The following UBE2G1 variants were observed in gnomAD, a reference collection of about 807,000 sequenced individuals.
The protein encoded by UBE2G1 is ubiquitin-conjugating enzyme E2 G1.
In UBE2G1, 5 loss-of-function variants were observed where a neutral mutation model predicts 22.7. That is an observed-to-expected ratio of 0.22 (90% confidence interval 0.12 to 0.46). UBE2G1 has a LOEUF of 0.46. Ranked by LOEUF, UBE2G1 falls within the 20% of genes least tolerant of loss-of-function variation. The pLI is 0.99. For synonymous variants in UBE2G1, 74 were observed against 67.5 expected, an observed-to-expected ratio of 1.10 and a Z score of -0.47; for missense variants, 88 against 203.9, an observed-to-expected ratio of 0.43 and a Z score of 3.46.
intron 5 of UBE2G1, among the ~76,000 whole-genome samples, chr17:4,280,149 C>A (rs1039024293): frequency 4.2e-5 from 6 of 141,834 alleles, no homozygotes; most frequent in Non-Finnish European, 6.1e-5. Flanking sequence ...GATTCTCCTG[C>A]CTCAGCTTCC....
chr17:4,338,434 C>T (rs1019354102), intron 1 of UBE2G1, among the ~76,000 whole-genome samples: 1 of 152,144 alleles, frequency 6.6e-6, no homozygotes, highest in African/African-American at 2.4e-5. Flanking sequence ...GAAAACACTC[C>T]AATAACTTCC....
chr17:4,318,683 T>C (rs556732928), intron 1 of UBE2G1, among the ~76,000 whole-genome samples: 3 of 152,214 alleles, frequency 2.0e-5, no homozygotes, highest in South Asian at 2.1e-4. Context: ...CACATCCCAG[T>C]TGGTCCCTAA....
At chr17:4,287,665 C>T (rs1281170900) in intron 4 of UBE2G1, among the ~76,000 whole-genome samples, 1 of 152,058 alleles carries the variant, frequency 6.6e-6, no homozygotes, top group African/African-American at 2.4e-5. Context: ...TAAGATTCCA[C>T]CCAAGTTGTT....
At chr17:4,343,211 G>C (rs1287328306) in intron 1 of UBE2G1, among the ~76,000 whole-genome samples, 1 of 152,138 alleles carries the variant, frequency 6.6e-6, no homozygotes, top group Non-Finnish European at 1.5e-5. Context: ...GATTATGTGT[G>C]ATCTGCCAGC....
At chr17:4,308,872 G>A (rs1213704140) in intron 1 of UBE2G1, among the ~76,000 whole-genome samples, 1 of 152,206 alleles carries the variant, frequency 6.6e-6, no homozygotes, top group Non-Finnish European at 1.5e-5. Flanking sequence ...TAACTGAGGA[G>A]ATATTAATTT....
intron 1 of UBE2G1, among the ~76,000 whole-genome samples, chr17:4,351,444 C>T (rs896018362): frequency 6.6e-5 from 10 of 152,148 alleles, no homozygotes; most frequent in Admixed American, 3.3e-4. Flanking sequence ...AACTGGATAA[C>T]GAGAATTTTG....
chr17:4,361,720 C>T (rs1338207056), intron 1 of UBE2G1, among the ~76,000 whole-genome samples: 1 of 151,878 alleles, frequency 6.6e-6, no homozygotes, highest in East Asian at 1.9e-4. Flanking sequence ...GGGTGAATCA[C>T]CTGAGATCAG....
intron 1 of UBE2G1, among the ~76,000 whole-genome samples, chr17:4,348,796 G>A (rs1969810589): frequency 6.6e-6 from 1 of 151,782 alleles, no homozygotes. Flanking sequence ...GGGAGGCAGA[G>A]GTTGCAGTCA....
At chr17:4,322,582 C>T (rs1035010155) in intron 1 of UBE2G1, among the ~76,000 whole-genome samples, 28 of 152,136 alleles carry the variant, frequency 1.8e-4, no homozygotes, top group African/African-American at 6.8e-4. Context: ...ATCTTCTCCA[C>T]ATTAAGTAAA....
rs558444173 is a variant in UBE2G1, at chr17:4,362,870, T to C, written c.46+3401A>G. ...GGTGGTGGTGGCTCACACTTGTAAT[T>C]CCAGCACTTTGGGAGGCCGAGGTGG... On this transcript the variant is annotated intron_variant, in intron 1 of 5. Coordinates refer to ENST00000396981, the MANE Select transcript of UBE2G1 (RefSeq NM_003342.5). 1.2e-4 allele frequency among the ~76,000 whole-genome samples: 19 copies of C among 152,110 alleles called. No homozygotes were observed. The South Asian group carries it at 3.1e-3, about 25-fold the overall frequency.
chr17:4,324,700 G>A (rs1287634438), intron 1 of UBE2G1, among the ~76,000 whole-genome samples: 1 of 152,104 alleles, frequency 6.6e-6, no homozygotes, highest in Non-Finnish European at 1.5e-5. Context: ...TCACAGGCAT[G>A]AGCCACCATG....
At chr17:4,319,028 A>G (rs1273116575) in intron 1 of UBE2G1, among the ~76,000 whole-genome samples, 1 of 152,268 alleles carries the variant, frequency 6.6e-6, no homozygotes, top group Non-Finnish European at 1.5e-5. Context: ...AATCATGGTC[A>G]TAACTTTCAG....
intron 1 of UBE2G1, among the ~76,000 whole-genome samples, chr17:4,344,917 G>GTA (rs1969752469): frequency 6.6e-6 from 1 of 152,128 alleles, no homozygotes; most frequent in Non-Finnish European, 1.5e-5. Flanking sequence ...TAAAAAATAA[G>GTA]TATTTTACCT....
chr17:4,330,976 C>CACACACACACA (rs1969569204), intron 1 of UBE2G1, among the ~76,000 whole-genome samples: 1 of 143,576 alleles, frequency 7.0e-6, no homozygotes. Context: ...ACCTTTAAAA[C>CACACACACACA]CACACACACA....
At chr17:4,295,263 G>A (rs1277391209) in intron 3 of UBE2G1, among the ~76,000 whole-genome samples, 5 of 152,172 alleles carry the variant, frequency 3.3e-5, no homozygotes, top group Admixed American at 1.3e-4. Flanking sequence ...GCAGGAATAC[G>A]GTTAATGCAT....
At chr17:4,301,736 G>A in intron 2 of UBE2G1, 1 of 654,944 alleles carries the variant, frequency 1.5e-6, no homozygotes, top group Non-Finnish European at 2.9e-6. Context: ...TGGATTGGTG[G>A]GGAGTGCTCA....
chr17:4,350,165 C>A (rs1299984173), intron 1 of UBE2G1, among the ~76,000 whole-genome samples: 2 of 152,046 alleles, frequency 1.3e-5, no homozygotes, highest in Non-Finnish European at 2.9e-5. Flanking sequence ...ATGTAACTAA[C>A]TTAGAACATT....
intron 1 of UBE2G1, among the ~76,000 whole-genome samples, chr17:4,348,003 AAAT>A (rs1418784084): frequency 6.6e-6 from 1 of 152,208 alleles, no homozygotes; most frequent in Non-Finnish European, 1.5e-5. Context: ...AAATTAAGTC[AAAT>A]AATAACCCTA....
intron 2 of UBE2G1, chr17:4,301,600 A>AC: frequency 8.2e-7 from 1 of 1,225,966 alleles, no homozygotes; most frequent in South Asian, 1.2e-5. Flanking sequence ...TTTTTAAAAG[A>AC]CCGAGTATTT....
Sources: allele counts gnomAD v4.1 joint callset (sites outside exome capture counted in the v4.1 genomes callset), GRCh38; gene constraint gnomAD v4.1.1; transcripts MANE v1.5; gene names NCBI Gene and HGNC (gene_info 2026-07-23, HGNC 2026-07-21).